Variants in GRAP2 observed in about 807,000 individuals in gnomAD.
GRAP2 encodes GRB2 related adaptor protein 2, also known as GRB2-related adapter protein 2.
GRAP2 carries 31 observed loss-of-function variants against 43.5 expected under a neutral mutation model. That is an observed-to-expected ratio of 0.71 (90% CI 0.54 to 0.96). The LOEUF (loss-of-function observed/expected upper bound fraction) is 0.96. GRAP2 is among the 40% of genes least tolerant of loss of function. The pLI is 0.00. For synonymous variants in GRAP2, 156 were observed against 164.8 expected, an observed-to-expected ratio of 0.95 and a Z score of 0.41; for missense variants, 371 against 424.4, an observed-to-expected ratio of 0.87 and a Z score of 1.11.
upstream of GRAP2, among the ~76,000 whole-genome samples, chr22:39,899,489 T>C (rs2066479694): frequency 6.6e-6 from 1 of 152,214 alleles, no homozygotes; most frequent in African/African-American, 2.4e-5. Context: ...AGCTGTTCAG[T>C]GTAATGATCC....
intron 2 of GRAP2, among the ~76,000 whole-genome samples, chr22:39,951,062 C>A (rs1569209389): frequency 6.6e-6 from 1 of 152,210 alleles, no homozygotes; most frequent in Non-Finnish European, 1.5e-5. Context: ...GGGGCAGAGG[C>A]CCCAGCTTAT....
chr22:39,909,457 A>T (rs533817569), intron 1 of GRAP2, among the ~76,000 whole-genome samples: 1 of 152,338 alleles, frequency 6.6e-6, no homozygotes, highest in South Asian at 2.1e-4. Flanking sequence ...TGAAGGGTCA[A>T]TTAGGTGTTA....
chr22:39,968,315 G>A, intron 6 of GRAP2, 43 bp downstream of exon 6: 1 of 1,591,112 alleles, frequency 6.3e-7, no homozygotes. Context: ...GTGGAAAGGA[G>A]AACCTGCCTC....
At chr22:39,918,527 C>G (rs542967205) in intron 1 of GRAP2, among the ~76,000 whole-genome samples, 1 of 152,032 alleles carries the variant, frequency 6.6e-6, no homozygotes, top group Non-Finnish European at 1.5e-5. Flanking sequence ...TAACATTTTC[C>G]CTTAATTGAA....
chr22:39,929,458 G>C (rs932198464), intron 1 of GRAP2, among the ~76,000 whole-genome samples: 1 of 152,156 alleles, frequency 6.6e-6, no homozygotes. Flanking sequence ...ATAATAGAAT[G>C]AGCTGAGAAT....
the GRAP2 span, among the ~76,000 whole-genome samples, chr22:39,894,202 C>A: frequency 6.6e-6 from 1 of 151,752 alleles, no homozygotes; most frequent in African/African-American, 2.4e-5. Flanking sequence ...AATGGAAAAT[C>A]AGTAAAATAC....
At chr22:39,942,182 T>C (rs2066878099) in intron 1 of GRAP2, among the ~76,000 whole-genome samples, 1 of 152,206 alleles carries the variant, frequency 6.6e-6, no homozygotes, top group African/African-American at 2.4e-5. Flanking sequence ...ACCTATTGTG[T>C]ACAGTGAGGC....
intron 1 of GRAP2, among the ~76,000 whole-genome samples, chr22:39,920,986 AC>A (rs1386708789): frequency 1.4e-5 from 2 of 141,184 alleles, no homozygotes; most frequent in African/African-American, 5.5e-5. Flanking sequence ...ACACACACAC[AC>A]ACAATCTGAT....
intron 6 of GRAP2, chr22:39,968,584 A>G (rs2067203122): frequency 2.3e-6 from 1 of 440,042 alleles, no homozygotes; most frequent in Non-Finnish European, 4.0e-6. Context: ...TTCCAAATCT[A>G]TTCATGCCCC....
intron 5 of GRAP2, among the ~76,000 whole-genome samples, chr22:39,966,985 C>A (rs1281840851): frequency 1.2e-5 from 1 of 83,776 alleles, no homozygotes; most frequent in Non-Finnish European, 2.4e-5. Flanking sequence ...TAAATTCACA[C>A]ATGCACACAC....
At chr22:39,922,171 C>T (rs1374779920) in intron 1 of GRAP2, among the ~76,000 whole-genome samples, 7 of 152,182 alleles carry the variant, frequency 4.6e-5, no homozygotes, top group Non-Finnish European at 8.8e-5. Flanking sequence ...GGAGAGCTTA[C>T]AGCTTGAGAG....
At position 39,912,067 on chromosome 22, in the gene GRAP2, C is replaced by A. The variant is rs1020773803; in HGVS notation, c.-15+10737C>A. 3.1e-4 allele frequency among the ~76,000 whole-genome samples: 47 copies of A among 152,082 alleles called. 2 individuals carry two copies. Among genetic ancestry groups the A allele is most frequent in the Non-Finnish European group, 7.4e-5 (5 of 68,008 alleles). On this transcript the variant is annotated intron_variant, in intron 1 of 7. Coordinates refer to ENST00000344138, the MANE Select transcript of GRAP2 (RefSeq NM_004810.4). ...TTAGAGTCCTTAGTTAAAATGTTAC[C>A]AGATTCAAATGTTCTGTTTATATAT...
At chr22:39,964,064 C>T in intron 4 of GRAP2, 1 of 279,066 alleles carries the variant, frequency 3.6e-6, no homozygotes, top group Non-Finnish European at 6.8e-6. Flanking sequence ...TCTCCGAGAC[C>T]CTTTAAAATT....
intron 2 of GRAP2, among the ~76,000 whole-genome samples, chr22:39,952,617 CA>C (rs2066998322): frequency 6.6e-6 from 1 of 152,140 alleles, no homozygotes; most frequent in Non-Finnish European, 1.5e-5. Context: ...CACCAGCAGT[CA>C]CATTTGATGT....
intron 2 of GRAP2, among the ~76,000 whole-genome samples, chr22:39,952,009 A>G (rs140677137): frequency 7.9e-5 from 12 of 151,638 alleles, no homozygotes; most frequent in African/African-American, 2.7e-4. Flanking sequence ...AATGAAGTAC[A>G]AAGTGTGTGG....
upstream of GRAP2, chr22:39,901,044 C>T (rs950326615): frequency 4.8e-5 from 15 of 312,682 alleles, no homozygotes; most frequent in Admixed American, 1.3e-4. Flanking sequence ...CCCAACTCTC[C>T]GAAGCCCCAT....
chr22:39,907,505 G>A (rs1344523364), intron 1 of GRAP2, among the ~76,000 whole-genome samples: 2 of 152,192 alleles, frequency 1.3e-5, no homozygotes, highest in East Asian at 3.8e-4. Context: ...GGGAGGACAA[G>A]GTGGGAGGAT....
At position 39,921,323 on chromosome 22, in the gene GRAP2, A is replaced by G. The variant is rs570275139; in HGVS notation, c.-15+19993A>G. On this transcript the variant is annotated intron_variant, in intron 1 of 7. Coordinates refer to ENST00000344138, the MANE Select transcript of GRAP2 (RefSeq NM_004810.4). The stretch of plus-strand genomic sequence containing the variant: ...CCTGTACAATGGGAATAATAAAATT[A>G]AAACAAACTTGCATGGGTTCATTAT... 2.6e-5 allele frequency among the ~76,000 whole-genome samples: 4 copies of G among 152,344 alleles called. No individual in the cohort carries two copies. In the South Asian group the frequency reaches 8.3e-4, roughly 32 times the overall value.
upstream of GRAP2, among the ~76,000 whole-genome samples, chr22:39,896,582 G>C (rs1421287898): frequency 6.6e-6 from 1 of 152,132 alleles, no homozygotes; most frequent in African/African-American, 2.4e-5. Context: ...TAGGTTCATA[G>C]ACTTCAGAGT....
Sources: allele counts gnomAD v4.1 joint callset (sites outside exome capture counted in the v4.1 genomes callset), GRCh38; gene constraint gnomAD v4.1.1; transcripts MANE v1.5; gene names NCBI Gene and HGNC (gene_info 2026-07-23, HGNC 2026-07-21).